Variants in SH3GL1 observed in about 807,000 individuals in gnomAD.
SH3GL1 encodes SH3 domain containing GRB2 like 1, endophilin A2, also known as endophilin-A2.
A neutral mutation model predicts 48.8 loss-of-function variants in SH3GL1; 21 were observed. The ratio of observed to expected loss-of-function variants is 0.43; its 90% CI spans 0.30 to 0.62. The LOEUF is 0.62. SH3GL1 is among the 20% of genes least tolerant of loss of function. SH3GL1 has a pLI of 0.11. For synonymous variants in SH3GL1, 282 were observed against 217.5 expected (o/e 1.30, Z -2.61); for missense variants, 454 against 503.0 (o/e 0.90, Z 0.93).
intron 6 of SH3GL1, 112 bp from the exon 7 acceptor site, chr19:4,363,585 T>C: frequency 6.9e-7 from 1 of 1,451,474 alleles, no homozygotes; most frequent in Admixed American, 1.7e-5. Flanking sequence ...GACAGGGGAC[T>C]GGGGCCCATA....
intron 1 of SH3GL1, among the ~76,000 whole-genome samples, chr19:4,391,550 C>T (rs1973337659): frequency 6.6e-6 from 1 of 152,174 alleles, no homozygotes; most frequent in Admixed American, 6.5e-5. Context: ...TGGCAGAAAT[C>T]GGAGTCTGAT....
Position 4,400,324 on chromosome 19 carries a change from C to T in SH3GL1, c.45G>A (p.Gln15=). 4 of 1,599,272 alleles carry T rather than the reference C, an allele frequency of 2.5e-6. No homozygotes were observed. Among genetic ancestry groups the T allele is most frequent in the Non-Finnish European group, 3.4e-6 (4 of 1,175,876 alleles). Residue 15 remains glutamine (Q), a splice_region_variant and synonymous_variant, in exon 1 of 10, where the codon CAG becomes CAA. Coordinates refer to ENST00000269886, the MANE Select transcript of SH3GL1 (RefSeq NM_003025.4). This position sits in a 1 kb window ranked among gnomAD's most constrained non-coding sequence, Gnocchi z 4.1. ...GGCTCCCGCCTGGGCCTGCGCTCAC[C>T]TGGCTCGCCTTGTAGAACTGCTTCT... ...GLKKQFYKAS[Q]LVSEKVGGAE... is the part of the protein sequence containing the mutation.
In SH3GL1 at chr19:4,361,434, A is replaced by C; in HGVS notation, c.*166T>G. On this transcript the variant is annotated 3_prime_UTR_variant, in exon 10 of 10. Coordinates refer to ENST00000269886, the MANE Select transcript of SH3GL1 (RefSeq NM_003025.4). The stretch of plus-strand genomic sequence containing the variant: ...CCCACCCACCCAGATAAGCCCCCCC[A>C]CCCAAGTGTGGGGTCCTGCTCAGGG... 1 of 601,552 alleles carries C rather than the reference A, an allele frequency of 1.7e-6. No individual in the cohort carries two copies. Among genetic ancestry groups the C allele is most frequent in the Non-Finnish European group, 2.9e-6 (1 of 340,650 alleles). 37.3% of individuals were successfully genotyped at this position (601,552 alleles called of 1,614,324 possible). A position where few individuals can be genotyped will look rare whatever the true frequency, so the allele number is the denominator to read the frequency against.
intron 4 of SH3GL1, among the ~76,000 whole-genome samples, chr19:4,364,811 G>C: frequency 6.7e-6 from 1 of 150,310 alleles, no homozygotes; most frequent in Non-Finnish European, 1.5e-5. Flanking sequence ...TGATTCTCCT[G>C]CCTCAGCCTC....
chr19:4,393,513 C>G (rs923981297), intron 1 of SH3GL1, among the ~76,000 whole-genome samples: 1 of 151,996 alleles, frequency 6.6e-6, no homozygotes, highest in Non-Finnish European at 1.5e-5. Flanking sequence ...TAAAAATAGG[C>G]GAGGCACAGT....
In SH3GL1 at chr19:4,373,765, CCT is replaced by C. The variant is rs375927128; in HGVS notation, c.46-6773_46-6772del. 2.4e-4 allele frequency among the ~76,000 whole-genome samples: 37 copies of C among 152,320 alleles called. No homozygotes were observed. The South Asian group carries it at 5.4e-3, about 22-fold the overall frequency. On this transcript the variant is annotated intron_variant, in intron 1 of 9. Transcript: ENST00000269886. The stretch of plus-strand genomic sequence containing the variant: ...CCTCAGACCAGGCCACAGAGGGCCC[CCT>C]GAGAGCCCGGCTTCCCCACGGCCCC...
intron 1 of SH3GL1, chr19:4,390,091 C>T (rs890192798): frequency 5.2e-5 from 8 of 152,402 alleles, no homozygotes; most frequent in African/African-American, 1.9e-4. Flanking sequence ...GGAGCCCCCT[C>T]CCAGGCGGTC....
intron 1 of SH3GL1, among the ~76,000 whole-genome samples, chr19:4,391,123 G>A (rs1424663163): frequency 6.6e-6 from 1 of 152,082 alleles, no homozygotes; most frequent in African/African-American, 2.4e-5. Context: ...AGGAAAAAAT[G>A]CAACAGACAC....
At chr19:4,399,040 G>A (rs1260672758) in intron 1 of SH3GL1, among the ~76,000 whole-genome samples, 1 of 152,138 alleles carries the variant, frequency 6.6e-6, no homozygotes, top group Non-Finnish European at 1.5e-5. Context: ...AGCCAAGTAG[G>A]CCAGGCAGGT....
chr19:4,394,113 C>G (rs1047275210), intron 1 of SH3GL1, among the ~76,000 whole-genome samples: 1 of 135,692 alleles, frequency 7.4e-6, no homozygotes, highest in Non-Finnish European at 1.6e-5. Flanking sequence ...CAAACCCTCT[C>G]CCTCCTTTCA....
chr19:4,389,526 T>A lies in SH3GL1; in HGVS notation c.45+10798A>T, dbSNP rs1291977221. Reference sequence around the variant, plus strand: ...TGTGAGTTCCCATGCAGGGGAAGAGTAGCATTTAAACCTGGGACCAAGGCA... The same window carrying A: ...TGTGAGTTCCCATGCAGGGGAAGAGAAGCATTTAAACCTGGGACCAAGGCA... On this transcript the variant is annotated intron_variant, in intron 1 of 9. Transcript: ENST00000269886. The surrounding 1 kb of genome is among the most constrained non-coding windows in gnomAD (Gnocchi z 4.5). Among the ~76,000 whole-genome samples the A allele has an allele frequency of 1.3e-5, 2 of 151,100 alleles. No homozygotes were observed. The highest frequency in any genetic ancestry group is 3.9e-4 in the East Asian group (2 of 5,150).
chr19:4,386,748 C>T (rs572055239), intron 1 of SH3GL1, among the ~76,000 whole-genome samples: 1 of 151,966 alleles, frequency 6.6e-6, no homozygotes, highest in Non-Finnish European at 1.5e-5. Flanking sequence ...TTTCCTGAGC[C>T]CAAATCCCAG....
Position 4,389,579 on chromosome 19 carries a change from C to T in SH3GL1, c.45+10745G>A, listed in dbSNP as rs879496602. Among the ~76,000 whole-genome samples, 9 of 152,304 alleles carry T rather than the reference C, an allele frequency of 5.9e-5. No homozygotes were observed. Among genetic ancestry groups the T allele is most frequent in the Non-Finnish European group, 1.2e-4 (8 of 68,004 alleles). On this transcript the variant is annotated intron_variant, in intron 1 of 9. Transcript: ENST00000269886. The surrounding 1 kb of genome is among the most constrained non-coding windows in gnomAD (Gnocchi z 4.5). ...GGCTCCAGAAGCTCCCGAAATTCGG[C>T]TGAGAGCTTGAACTGTACCCTGGGC...
chr19:4,387,228 G>A (rs1475873949), intron 1 of SH3GL1, among the ~76,000 whole-genome samples: 6 of 152,132 alleles, frequency 3.9e-5, no homozygotes, highest in African/African-American at 9.7e-5. Context: ...GAGCCACCGC[G>A]CCTGGCCCCT....
In SH3GL1 at chr19:4,360,508, A is replaced by C. The variant is rs1972575717; in HGVS notation, c.*1092T>G. 2.1e-5 allele frequency: 5 copies of C among 234,054 alleles called. No individual in the cohort carries two copies. The highest frequency in any genetic ancestry group is 4.2e-5 in the Non-Finnish European group (5 of 118,676). The allele number at this position is 234,054 out of a possible 1,614,324, so 14.5% of individuals were successfully genotyped here. A position where few individuals can be genotyped will look rare whatever the true frequency, so the allele number is the denominator to read the frequency against. On this transcript the variant is annotated 3_prime_UTR_variant, in exon 10 of 10. Transcript: ENST00000269886. ...ACGAGGGGGGTGCAGGGCAGGGCAG[A>C]GCAGAGCCTGGGGTCCGGAGGCTTC...
rs143506885 is a variant in SH3GL1 at position 4,363,807 on chromosome 19, G to T, written c.537C>A (p.Pro179=). 1 of 1,613,526 alleles carries T rather than the reference G, an allele frequency of 6.2e-7. No individual in the cohort carries two copies. Residue 179 remains proline, a synonymous_variant, in exon 6 of 10, where the codon CCC becomes CCA. Coordinates refer to ENST00000269886, the MANE Select transcript of SH3GL1 (RefSeq NM_003025.4). ...CCAGCGCCTGGCGTAGCTCCTCATCGGGGATCTTGCCCTGCCGCTTCTTCT... is the reference window on the plus strand; with the variant it reads ...CCAGCGCCTGGCGTAGCTCCTCATCTGGGATCTTGCCCTGCCGCTTCTTCT... ...DYKKKRQGKI[P]DEELRQALEK...
chr19:4,377,942 C>G (rs1370250131), intron 1 of SH3GL1, among the ~76,000 whole-genome samples: 1 of 152,216 alleles, frequency 6.6e-6, no homozygotes, highest in African/African-American at 2.4e-5. Context: ...CGGGTGCAGC[C>G]TGCTTCCCAG....
intron 1 of SH3GL1, among the ~76,000 whole-genome samples, chr19:4,381,682 C>T (rs1359618916): frequency 1.2e-4 from 14 of 113,616 alleles, no homozygotes; most frequent in Admixed American, 2.1e-4. Context: ...TGTCACCCCC[C>T]ACACGCCTTT....
At chr19:4,381,687 G>A (rs56182772) in intron 1 of SH3GL1, among the ~76,000 whole-genome samples, 1,122 of 45,596 alleles carry the variant, frequency 0.025, 55 homozygotes, top group African/African-American at 0.098. Flanking sequence ...CCCCCCACAC[G>A]CCTTTTTTTT....
Sources: gnomAD v4.1 joint callset for allele counts (sites outside exome capture counted in the v4.1 genomes callset) on GRCh38, gnomAD v4.1.1 for gene constraint, Gnocchi (gnomAD v3.1) non-coding constraint, MANE v1.5 for transcripts, NCBI Gene and HGNC (gene_info 2026-07-23, HGNC 2026-07-21) for gene names.